Variants in PTCH1 observed in about 807,000 individuals in gnomAD.
PTCH1 encodes the protein protein patched homolog 1.
PTCH1 carries 14 observed loss-of-function variants against 144.6 expected under a neutral mutation model. That is an observed-to-expected ratio of 0.10 (90% CI 0.06 to 0.15). PTCH1 has a LOEUF of 0.15. PTCH1 is among the 10% of genes least tolerant of loss of function. The pLI is 1.00. For synonymous variants in PTCH1, 833 were observed against 793.6 expected (o/e 1.05, Z -0.83); for missense variants, 1,623 against 1,948.3 (o/e 0.83, Z 3.14).
At chr9:95,467,009 G>T in intron 15 of PTCH1, 107 bp downstream of exon 15, 3 of 1,230,628 alleles carry the variant, frequency 2.4e-6, no homozygotes, top group Non-Finnish European at 3.5e-6. Context: ...CATGAAACAC[G>T]TCAGTGTTAC....
chr9:95,455,425 G>A (rs912187682), intron 19 of PTCH1, among the ~76,000 whole-genome samples: 1 of 152,218 alleles, frequency 6.6e-6, no homozygotes, highest in African/African-American at 2.4e-5. Flanking sequence ...TTCGCACGTC[G>A]ATATTTAACA....
intron 15 of PTCH1, among the ~76,000 whole-genome samples, chr9:95,464,553 A>G (rs1364779410): frequency 6.6e-6 from 1 of 152,214 alleles, no homozygotes; most frequent in Non-Finnish European, 1.5e-5. Context: ...TGTTTGCATA[A>G]TCCAGTGTGA....
In PTCH1 at chr9:95,449,931, A is replaced by G. The variant is rs752031732; in HGVS notation, c.3459T>C (p.Phe1153=). ...GGATGGTGAGGATCGCCAGCACAGCAAAGAAATACCTGGGAGATCAAGAGG... is the reference window on the plus strand; with the variant it reads ...GGATGGTGAGGATCGCCAGCACAGCGAAGAAATACCTGGGAGATCAAGAGG... ...SEFDFIVRYF[F]AVLAILTILG... The change falls in exon 21 of 24, where the codon TTT becomes TTC. Residue 1153 remains phenylalanine, a synonymous_variant. Coordinates refer to ENST00000331920, the MANE Select transcript of PTCH1 (RefSeq NM_000264.5). The surrounding 1 kb of genome is among the most constrained non-coding windows in gnomAD (Gnocchi z 5.3). 4 of 1,614,002 alleles carry G rather than the reference A, an allele frequency of 2.5e-6. No homozygotes were observed. In the East Asian group the frequency reaches 8.9e-5, roughly 36 times the overall value.
intron 3 of PTCH1, chr9:95,482,965 C>T (rs1013831938): frequency 6.6e-6 from 1 of 152,394 alleles, no homozygotes; most frequent in Non-Finnish European, 1.5e-5. Context: ...TAAAAATTAG[C>T]TGGGCGCAGT....
At chr9:95,459,527 C>A in intron 17 of PTCH1, 73 bp downstream of exon 17, 1 of 1,549,516 alleles carries the variant, frequency 6.5e-7, no homozygotes. Context: ...CGGATGAAGG[C>A]TGTTGCTGAG....
Position 95,507,803 on chromosome 9 carries a change from A to AG in PTCH1, c.201+357dup, listed in dbSNP as rs1843824163. ...GGCGCAGGAGGAAGAAGTTCAGGGC[A>AG]GGGGGCACGGGGCAGGACAGTGCCG... On this transcript the variant is annotated intron_variant, in intron 1 of 23. Transcript: ENST00000331920. 5 of 466,526 alleles carry AG rather than the reference A, an allele frequency of 1.1e-5. No individual in the cohort carries two copies. The South Asian group carries it at 1.8e-4, about 17-fold the overall frequency. 28.9% of individuals were successfully genotyped at this position (466,526 alleles called of 1,614,324 possible). A position where few individuals can be genotyped will look rare whatever the true frequency, so the allele number is the denominator to read the frequency against.
At chr9:95,489,389 C>T (rs894291815) in intron 2 of PTCH1, among the ~76,000 whole-genome samples, 2 of 152,184 alleles carry the variant, frequency 1.3e-5, no homozygotes, top group African/African-American at 2.4e-5. Context: ...TGCTCTGTTG[C>T]CCAGGCTGGA....
chr9:95,473,033 C>G (rs1840719635), intron 12 of PTCH1, among the ~76,000 whole-genome samples: 1 of 152,166 alleles, frequency 6.6e-6, no homozygotes, highest in Non-Finnish European at 1.5e-5. Flanking sequence ...CCACTTGAAC[C>G]CTCCTAGACC....
At chr9:95,450,047 C>G in intron 20 of PTCH1, 107 bp from the exon 21 acceptor site, 1 of 997,384 alleles carries the variant, frequency 1.0e-6, no homozygotes, top group Non-Finnish European at 1.6e-6. Context: ...GAACAAAACC[C>G]ACCCCACTGA....
intron 2 of PTCH1, chr9:95,503,269 A>C (rs1178040960): frequency 6.6e-6 from 1 of 152,218 alleles, no homozygotes; most frequent in Non-Finnish European, 1.5e-5. Flanking sequence ...CTGATGCACA[A>C]AATGAACTTA....
chr9:95,506,475 A>T lies in PTCH1; in HGVS notation c.326T>A (p.Phe109Tyr). Residue 109 changes from phenylalanine (F) to tyrosine (Y), a missense_variant, in exon 2 of 24, where the codon TTT becomes TAT. Physicochemically the swap from Phe to Tyr is conservative, Grantham distance 22. This residue lies in a region of PTCH1 where 245 missense variants were observed against 240.6 expected (regional missense o/e 1.02). Transcript: ENST00000331920. Reference protein sequence around the residue: ...GKFLVVGLLIFGAFAVGLKAA... With the variant: ...GKFLVVGLLIYGAFAVGLKAA... ...TTTTAATCCCACCGCGAAGGCCCCA[A>T]ATATGAGGAGGCCCACAACCAAGAA... 6.2e-7 allele frequency: 1 copy of T among 1,613,538 alleles called. No homozygotes were observed. Among genetic ancestry groups the T allele is most frequent in the Non-Finnish European group, 8.5e-7 (1 of 1,179,746 alleles).
intron 2 of PTCH1, among the ~76,000 whole-genome samples, chr9:95,487,857 A>G (rs1002753779): frequency 6.6e-6 from 1 of 152,196 alleles, no homozygotes; most frequent in Non-Finnish European, 1.5e-5. Flanking sequence ...AAATTAAAAA[A>G]CAGCAGCAAC....
chr9:95,459,720 G>C lies in PTCH1; in HGVS notation c.2767C>G (p.Leu923Val), dbSNP rs1554691697. ...IINPSAFYIY[L>V]TAWVSNDPVA... ...GGGTCGTTGCTGACCCAAGCCGTCA[G>C]GTAGATGTAGAAAGCGCTGGGATTA... The change falls in exon 17 of 24, where the codon CTG (leucine) becomes GTG (valine). Residue 923 changes from leucine to valine, a missense_variant. Transcript: ENST00000331920. 1 of 1,614,194 alleles carries C rather than the reference G, an allele frequency of 6.2e-7. No individual in the cohort carries two copies. Among genetic ancestry groups the C allele is most frequent in the Non-Finnish European group, 8.5e-7 (1 of 1,180,032 alleles).
intron 1 of PTCH1, chr9:95,507,538 T>C: frequency 5.5e-6 from 4 of 727,552 alleles, no homozygotes; most frequent in Non-Finnish European, 6.7e-6. Flanking sequence ...GACCAGGCCC[T>C]AAGGAGAGGC....
rs374691153 is a variant in PTCH1, at chr9:95,468,942, C to G, written c.2059G>C (p.Val687Leu). The G allele has an allele frequency of 6.2e-7, 1 of 1,614,104 alleles. No individual in the cohort carries two copies. Among genetic ancestry groups the G allele is most frequent in the East Asian group, 2.2e-5 (1 of 44,860 alleles). Residue 687 changes from valine (V) to leucine (L), a missense_variant, in exon 14 of 24, where the codon GTG becomes CTG. This residue lies in a region of PTCH1 where 179 missense variants were observed against 165.7 expected (regional missense o/e 1.08). Transcript: ENST00000331920. ...TCCTGTGTCACGGTGACGGGCTGCA[C>G]AGAGATCTCGGAGCGCGGCTCAGCG... ...TTAEPRSEIS[V>L]QPVTVTQDTL...
At position 95,508,393 on chromosome 9, in the gene PTCH1, C is replaced by T; in HGVS notation, c.-32G>A. On this transcript the variant is annotated 5_prime_UTR_variant, in exon 1 of 24. Coordinates refer to ENST00000331920, the MANE Select transcript of PTCH1 (RefSeq NM_000264.5). Reference sequence around the variant, plus strand: ...GCCGCCGCCGCCGCCGCCGCGGGGACGGAGGCTTCCCGGGCGGCCCGGCGC... The same window carrying T: ...GCCGCCGCCGCCGCCGCCGCGGGGATGGAGGCTTCCCGGGCGGCCCGGCGC... The T allele has an allele frequency of 2.7e-6, 3 of 1,114,338 alleles. No homozygotes were observed. The highest frequency in any genetic ancestry group is 3.3e-6 in the Non-Finnish European group (3 of 915,422). 69.0% of individuals were successfully genotyped at this position (1,114,338 alleles called of 1,614,324 possible).
intron 22 of PTCH1, 70 bp downstream of exon 22, chr9:95,448,999 C>G: frequency 6.2e-7 from 1 of 1,600,438 alleles, no homozygotes; most frequent in Non-Finnish European, 8.5e-7. Flanking sequence ...AGACAGGAGC[C>G]CCCGCTGGAC....
At position 95,446,908 on chromosome 9, in the gene PTCH1, C is replaced by A; in HGVS notation, c.*1+3G>T. On this transcript the variant is annotated splice_donor_region_variant and intron_variant, in intron 23 of 23. Coordinates refer to ENST00000331920, the MANE Select transcript of PTCH1 (RefSeq NM_000264.5). ...CTTGGCTGCCCTTGTCAGTGGCACT[C>A]ACCTCAGTTGGAGCTGCTTCCCCGG... 1 of 1,613,856 alleles carries A rather than the reference C, an allele frequency of 6.2e-7. No homozygotes were observed. The highest frequency in any genetic ancestry group is 2.2e-5 in the East Asian group (1 of 44,872).
At chr9:95,507,743 G>T in intron 1 of PTCH1, 1 of 199,312 alleles carries the variant, frequency 5.0e-6, no homozygotes, top group Non-Finnish European at 9.2e-6. Context: ...AAATGTGGCA[G>T]CCGTACAGGA....
Sources: allele counts gnomAD v4.1 joint callset (sites outside exome capture counted in the v4.1 genomes callset), GRCh38; gene constraint gnomAD v4.1.1; regional missense constraint gnomAD v4.1.1; non-coding constraint Gnocchi (gnomAD v3.1); transcripts MANE v1.5; gene names NCBI Gene and HGNC (gene_info 2026-07-23, HGNC 2026-07-21).